GALNT5: variants seen among roughly 807,000 people sequenced by gnomAD.
GALNT5 encodes the protein UDP-GalNAc:polypeptide N-acetylgalactosaminyltransferase 5.
A neutral mutation model predicts 85.4 loss-of-function variants in GALNT5; 72 were observed. The observed-to-expected ratio is 0.84, with a 90% confidence interval of 0.70 to 1.03. The LOEUF is 1.03. Among genes scored for constraint, GALNT5 ranks in the 50% least tolerant of loss-of-function variants. GALNT5 has a pLI of 0.00. For synonymous variants in GALNT5, 404 were observed against 397.0 expected (o/e 1.02, Z -0.21); for missense variants, 1,137 against 1,135.5 (o/e 1.00, Z -0.02).
intron 1 of GALNT5, among the ~76,000 whole-genome samples, chr2:157,270,942 C>T (rs1007798667): frequency 6.6e-6 from 1 of 152,106 alleles, no homozygotes; most frequent in Non-Finnish European, 1.5e-5. Context: ...GGTGAAACCC[C>T]GTCTCTACTA....
intron 8 of GALNT5, among the ~76,000 whole-genome samples, 160 bp from the exon 9 acceptor site, chr2:157,308,407 T>A (rs960011481): frequency 1.3e-5 from 2 of 152,222 alleles, no homozygotes; most frequent in African/African-American, 4.8e-5. Flanking sequence ...GTAAATAATA[T>A]GCCCATACTA....
chr2:157,309,541 A>G (rs879695494), intron 9 of GALNT5, among the ~76,000 whole-genome samples: 1 of 152,194 alleles, frequency 6.6e-6, no homozygotes, highest in African/African-American at 2.4e-5. Context: ...TAAATTTTCT[A>G]CAATCTCTCC....
At chr2:157,297,477 G>T (rs750139344) in intron 5 of GALNT5, among the ~76,000 whole-genome samples, 12 of 152,150 alleles carry the variant, frequency 7.9e-5, no homozygotes, top group Non-Finnish European at 2.9e-5. Flanking sequence ...GCTAATCAAA[G>T]AAGAATTTGA....
intron 5 of GALNT5, chr2:157,298,941 AC>A (rs1558901928): frequency 2.9e-3 from 2 of 678 alleles, no homozygotes; most frequent in East Asian, 0.12. Flanking sequence ...TTGACGGAAG[AC>A]CGGAAGACCG....
chr2:157,318,337 T>C lies in GALNT5; in HGVS notation c.*6989T>C, dbSNP rs1201604941. Among the ~76,000 whole-genome samples the C allele has an allele frequency of 6.6e-6, 1 of 152,198 alleles. No individual in the cohort carries two copies. The highest frequency in any genetic ancestry group is 1.5e-5 in the Non-Finnish European group (1 of 68,018). On this transcript the variant is annotated 3_prime_UTR_variant, in exon 10 of 10. Transcript: ENST00000259056. ...TACAGAGATTTCTTCAAGTTGTTCG[T>C]GTTAAGATGCATCTTAAACATGATC...
In GALNT5 at chr2:157,311,379, C is replaced by A. The variant is rs866724208; in HGVS notation, c.*31C>A. 2.2e-6 allele frequency: 3 copies of A among 1,381,962 alleles called. No homozygotes were observed. The highest frequency in any genetic ancestry group is 2.6e-5 in the South Asian group (2 of 76,202). The allele number at this position is 1,381,962 out of a possible 1,614,324, so 85.6% of individuals were successfully genotyped here. On this transcript the variant is annotated 3_prime_UTR_variant, in exon 10 of 10. Transcript: ENST00000259056. ...AACTGATGTTTTTATATAGTAAACC[C>A]ATTAAATACTGTGAAAATAACACTG...
chr2:157,278,463 A>C (rs1371878579), intron 1 of GALNT5, among the ~76,000 whole-genome samples: 1 of 152,048 alleles, frequency 6.6e-6, no homozygotes, highest in African/African-American at 2.4e-5. Context: ...TCAAACATAG[A>C]TTTGGTCTTT....
intron 1 of GALNT5, among the ~76,000 whole-genome samples, chr2:157,274,079 G>A (rs1018599523): frequency 6.6e-6 from 1 of 152,040 alleles, no homozygotes; most frequent in Non-Finnish European, 1.5e-5. Flanking sequence ...GTGGTGTTTG[G>A]TTTTCTGTCC....
At chr2:157,287,035 A>G (rs1682992689) in intron 3 of GALNT5, among the ~76,000 whole-genome samples, 1 of 152,000 alleles carries the variant, frequency 6.6e-6, no homozygotes, top group Non-Finnish European at 1.5e-5. Context: ...TGGAGTGAAA[A>G]TATTATATAG....
intron 1 of GALNT5, among the ~76,000 whole-genome samples, chr2:157,265,362 T>C (rs1350256286): frequency 6.6e-6 from 1 of 152,158 alleles, no homozygotes; most frequent in East Asian, 1.9e-4. Context: ...ACAACAAAGA[T>C]TAGAGGAGAA....
chr2:157,264,213 A>C (rs1682411570), intron 1 of GALNT5, among the ~76,000 whole-genome samples: 1 of 151,816 alleles, frequency 6.6e-6, no homozygotes, highest in Admixed American at 6.6e-5. Flanking sequence ...ACGTACACAC[A>C]GGTTTTGCTA....
At chr2:157,262,207 TAAAAA>T (rs535714685) in intron 1 of GALNT5, among the ~76,000 whole-genome samples, 5 of 97,838 alleles carry the variant, frequency 5.1e-5, no homozygotes, top group African/African-American at 1.7e-4. Flanking sequence ...CCAAAAAATG[TAAAAA>T]AAAAAAAAAA....
chr2:157,298,330 C>A (rs1683260369), intron 5 of GALNT5, among the ~76,000 whole-genome samples: 1 of 152,108 alleles, frequency 6.6e-6, no homozygotes, highest in Admixed American at 6.5e-5. Context: ...GAAGGAAAAC[C>A]CCATTTCCCC....
chr2:157,290,390 G>C (rs1266437948), intron 3 of GALNT5, among the ~76,000 whole-genome samples: 1 of 152,016 alleles, frequency 6.6e-6, no homozygotes, highest in African/African-American at 2.4e-5. Flanking sequence ...AAGTACACCT[G>C]TCCCCTGTGG....
intron 9 of GALNT5, among the ~76,000 whole-genome samples, chr2:157,309,635 T>C (rs1304806088): frequency 6.6e-6 from 1 of 152,208 alleles, no homozygotes; most frequent in Non-Finnish European, 1.5e-5. Context: ...ATCCCCAAAG[T>C]AAGCACCTTT....
intron 8 of GALNT5, among the ~76,000 whole-genome samples, chr2:157,306,321 C>T (rs1683454864): frequency 6.6e-6 from 1 of 152,208 alleles, no homozygotes; most frequent in South Asian, 2.1e-4. Flanking sequence ...GTCTTATTGT[C>T]TGATTCCATT....
At chr2:157,296,859 G>T (rs1192443958) in intron 5 of GALNT5, among the ~76,000 whole-genome samples, 1 of 152,168 alleles carries the variant, frequency 6.6e-6, no homozygotes, top group Non-Finnish European at 1.5e-5. Flanking sequence ...CAAATTAAAA[G>T]TAAATAATGG....
rs186390073 is a variant in GALNT5 at position 157,277,296 on chromosome 2, G to A, written c.1455-6986G>A. On this transcript the variant is annotated intron_variant, in intron 1 of 9. Coordinates refer to ENST00000259056, the MANE Select transcript of GALNT5 (RefSeq NM_014568.3). ...TGTGGTGCTAAGAAGAATATATATTGTTGATTTGGGGTGGAGAGTTCTGTA... is the reference window on the plus strand; with the variant it reads ...TGTGGTGCTAAGAAGAATATATATTATTGATTTGGGGTGGAGAGTTCTGTA... Among the ~76,000 whole-genome samples the A allele has an allele frequency of 5.3e-5, 8 of 152,156 alleles. No homozygotes were observed. In the South Asian group the frequency reaches 1.2e-3, roughly 24 times the overall value.
chr2:157,282,378 A>G (rs2105140578), intron 1 of GALNT5, among the ~76,000 whole-genome samples: 1 of 152,228 alleles, frequency 6.6e-6, no homozygotes, highest in East Asian at 1.9e-4. Context: ...TTTGTATTTT[A>G]AGACATGGAT....
Sources: gnomAD v4.1 joint callset for allele counts (sites outside exome capture counted in the v4.1 genomes callset) on GRCh38, gnomAD v4.1.1 for gene constraint, MANE v1.5 for transcripts, NCBI Gene and HGNC (gene_info 2026-07-23, HGNC 2026-07-21) for gene names.